RGS20: variants seen among roughly 807,000 people sequenced by gnomAD.
RGS20 encodes the protein regulator of G protein signaling 20, also known as gz-selective GTPase-activating protein.
Under a neutral mutation model 33.6 loss-of-function variants are expected in RGS20, and 30 were observed. The ratio of observed to expected loss-of-function variants is 0.89; its 90% CI spans 0.67 to 1.21. The LOEUF (loss-of-function observed/expected upper bound fraction) is 1.21. Ranked by LOEUF, RGS20 falls within the 50% of genes most tolerant of loss-of-function variation. RGS20 has a pLI of 0.00. For synonymous variants in RGS20, 208 were observed against 197.9 expected (o/e 1.05, Z -0.43); for missense variants, 472 against 502.4 (o/e 0.94, Z 0.58).
chr8:53,882,697 C>T (rs146723964), intron 2 of RGS20, among the ~76,000 whole-genome samples: 1 of 152,190 alleles, frequency 6.6e-6, no homozygotes, highest in East Asian at 1.9e-4. Context: ...GAACTCCCCA[C>T]GTTCCCCAGT....
chr8:53,941,799 G>A (rs76229433), intron 3 of RGS20, among the ~76,000 whole-genome samples: 1 of 152,256 alleles, frequency 6.6e-6, no homozygotes, highest in African/African-American at 2.4e-5. Context: ...TGGTATTTGG[G>A]TACCAACTCA....
chr8:53,955,241 G>A (rs1291996883), intron 5 of RGS20, among the ~76,000 whole-genome samples: 1 of 151,330 alleles, frequency 6.6e-6, no homozygotes, highest in Non-Finnish European at 1.5e-5. Flanking sequence ...TCTGAAATCT[G>A]TGAAAAATTT....
At chr8:53,867,967 T>C (rs749612285) in intron 1 of RGS20, among the ~76,000 whole-genome samples, 1 of 152,166 alleles carries the variant, frequency 6.6e-6, no homozygotes, top group Non-Finnish European at 1.5e-5. Context: ...TCAAAAGATC[T>C]GCCCACCTCA....
chr8:53,951,036 G>A (rs1814696887), intron 4 of RGS20, among the ~76,000 whole-genome samples: 2 of 152,196 alleles, frequency 1.3e-5, no homozygotes, highest in South Asian at 4.1e-4. Flanking sequence ...CTAGGAAAGT[G>A]TAACAACTTG....
At chr8:53,887,794 T>C (rs1457144090) in intron 2 of RGS20, among the ~76,000 whole-genome samples, 1 of 151,394 alleles carries the variant, frequency 6.6e-6, no homozygotes, top group Non-Finnish European at 1.5e-5. Context: ...CTGGGCAACA[T>C]AGTGAAACCC....
At chr8:53,943,456 C>T (rs998634045) in intron 3 of RGS20, among the ~76,000 whole-genome samples, 29 of 152,020 alleles carry the variant, frequency 1.9e-4, no homozygotes, top group African/African-American at 7.0e-4. Flanking sequence ...TTCTCTTTAT[C>T]ACTCAAAATT....
intron 4 of RGS20, among the ~76,000 whole-genome samples, chr8:53,952,583 G>A (rs940085320): frequency 9.2e-5 from 14 of 151,714 alleles, no homozygotes; most frequent in Admixed American, 2.6e-4. Flanking sequence ...AAAATTACCC[G>A]GGTGTGGTGG....
intron 1 of RGS20, among the ~76,000 whole-genome samples, chr8:53,871,342 C>A (rs1422503673): frequency 6.6e-6 from 1 of 151,926 alleles, no homozygotes; most frequent in Admixed American, 6.6e-5. Flanking sequence ...AGTTCCAACC[C>A]ATTTAAAACT....
chr8:53,918,691 A>G (rs1243175175), intron 2 of RGS20, among the ~76,000 whole-genome samples: 1 of 152,120 alleles, frequency 6.6e-6, no homozygotes, highest in Non-Finnish European at 1.5e-5. Context: ...CCCAGCCTTC[A>G]CTTAACATAT....
chr8:53,874,399 T>C lies in RGS20; in HGVS notation c.166-4859T>C, dbSNP rs918963911. ...GTGTGTGTGTGTGTGTGTGTGTGTGTGTGCGCGCGCGTGTGCTTGCGTGCA... is the reference window on the plus strand; with the variant it reads ...GTGTGTGTGTGTGTGTGTGTGTGTGCGTGCGCGCGCGTGTGCTTGCGTGCA... On this transcript the variant is annotated intron_variant, in intron 1 of 5. Coordinates refer to ENST00000297313, the MANE Select transcript of RGS20 (RefSeq NM_170587.4). Among the ~76,000 whole-genome samples the C allele has an allele frequency of 6.6e-3, 850 of 128,252 alleles. 8 individuals carry two copies. The highest frequency in any genetic ancestry group is 0.025 in the African/African-American group (756 of 30,140). 84.1% of individuals were successfully genotyped at this position (128,252 alleles called of 152,430 possible). A position where few individuals can be genotyped will look rare whatever the true frequency, so the allele number is the denominator to read the frequency against.
chr8:53,906,819 A>T (rs1215056430), intron 2 of RGS20, among the ~76,000 whole-genome samples: 1 of 152,200 alleles, frequency 6.6e-6, no homozygotes, highest in Non-Finnish European at 1.5e-5. Flanking sequence ...GGCTTAAAAA[A>T]GTACTGGGAG....
At chr8:53,853,751 T>C (rs1691357514) in intron 1 of RGS20, among the ~76,000 whole-genome samples, 1 of 152,222 alleles carries the variant, frequency 6.6e-6, no homozygotes, top group African/African-American at 2.4e-5. Context: ...TCTAGAGACT[T>C]ACTGTGTATT....
At chr8:53,895,914 T>G (rs908099007) in intron 2 of RGS20, among the ~76,000 whole-genome samples, 4 of 151,876 alleles carry the variant, frequency 2.6e-5, no homozygotes, top group Non-Finnish European at 5.9e-5. Flanking sequence ...CCCAAAGTGC[T>G]GGGTTTACAG....
chr8:53,865,206 G>A (rs1811893193), intron 1 of RGS20, among the ~76,000 whole-genome samples: 1 of 152,178 alleles, frequency 6.6e-6, no homozygotes, highest in African/African-American at 2.4e-5. Context: ...TGATTTTCAG[G>A]CTCCATCAGT....
chr8:53,900,366 T>G (rs1812981133), intron 2 of RGS20, among the ~76,000 whole-genome samples: 1 of 152,058 alleles, frequency 6.6e-6, no homozygotes, highest in Non-Finnish European at 1.5e-5. Flanking sequence ...GGTCTCAAAC[T>G]CCTGGACTTA....
At chr8:53,852,376 G>A (rs1325539243) in intron 1 of RGS20, among the ~76,000 whole-genome samples, 4 of 152,088 alleles carry the variant, frequency 2.6e-5, no homozygotes, top group Middle Eastern at 3.2e-3. Flanking sequence ...ATTAGTGTTA[G>A]CCCTAGGATA....
At chr8:53,939,471 G>A (rs904928781) in intron 2 of RGS20, 105 bp from the exon 2 acceptor site, 3 of 1,241,150 alleles carry the variant, frequency 2.4e-6, no homozygotes, top group Admixed American at 3.7e-5. Context: ...CCTGAATGTA[G>A]TCGCACTGTA....
chr8:53,869,811 G>A (rs1157836394), intron 1 of RGS20, among the ~76,000 whole-genome samples: 2 of 152,180 alleles, frequency 1.3e-5, no homozygotes, highest in Non-Finnish European at 2.9e-5. Flanking sequence ...GGCCCTCTGA[G>A]CAGAACAGGG....
intron 2 of RGS20, among the ~76,000 whole-genome samples, chr8:53,894,705 A>C (rs1043754753): frequency 6.6e-6 from 1 of 152,202 alleles, no homozygotes; most frequent in African/African-American, 2.4e-5. Context: ...TTTGGGGCTG[A>C]CTGAATGTCA....
Sources: allele counts gnomAD v4.1 joint callset (sites outside exome capture counted in the v4.1 genomes callset), GRCh38; gene constraint gnomAD v4.1.1; transcripts MANE v1.5; gene names NCBI Gene and HGNC (gene_info 2026-07-23, HGNC 2026-07-21).